Variants in STEAP1 observed in about 807,000 individuals in gnomAD.
The protein encoded by STEAP1 is STEAP1 protein.
In STEAP1, 30 loss-of-function variants were observed where a neutral mutation model predicts 34.4. The ratio of observed to expected loss-of-function variants is 0.87; its 90% confidence interval spans 0.65 to 1.18. STEAP1 has a LOEUF of 1.18. Ranked by LOEUF, STEAP1 falls within the 50% of genes most tolerant of loss-of-function variation. STEAP1 has a pLI of 0.00. For missense variants in STEAP1, 318 were observed against 391.1 expected (o/e 0.81, Z 1.58); for synonymous variants, 116 against 135.3 (o/e 0.86, Z 0.99).
Position 90,161,296 on chromosome 7 carries a change from G to T in STEAP1, c.576G>T (p.Leu192Phe), listed in dbSNP as rs1278386421. 2 of 1,612,794 alleles carry T rather than the reference G, an allele frequency of 1.2e-6. No individual in the cohort carries two copies. The highest frequency in any genetic ancestry group is 2.7e-5 in the African/African-American group (2 of 74,840). The change falls in exon 3 of 5, where the codon TTG becomes TTT. Residue 192 changes from leucine to phenylalanine, a missense_variant. Transcript: ENST00000297205. ...TGAGGCGATCCTACAGATACAAGTT[G>T]CTAAACTGGGCATATCAACAGGTAA... ...YPMRRSYRYK[L>F]LNWAYQQVQQ...
Position 90,164,561 on chromosome 7 carries a change from T to A in STEAP1, c.847T>A (p.Phe283Ile). Residue 283 changes from phenylalanine to isoleucine, a missense_variant, in exon 5 of 5, where the codon TTT (phenylalanine) becomes ATT (isoleucine). Coordinates refer to ENST00000297205, the MANE Select transcript of STEAP1 (RefSeq NM_012449.3). ...AWNKWIDIKQ[F>I]VWYTPPTFMI... ...GAATAAGTGGATAGATATAAAACAA[T>A]TTGTATGGTATACACCTCCAACTTT... The A allele has an allele frequency of 6.2e-7, 1 of 1,613,742 alleles. No homozygotes were observed. The highest frequency in any genetic ancestry group is 8.5e-7 in the Non-Finnish European group (1 of 1,179,798).
At chr7:90,159,050 CAT>C (rs1461076773) in intron 1 of STEAP1, among the ~76,000 whole-genome samples, 15 of 152,194 alleles carry the variant, frequency 9.9e-5, no homozygotes, top group African/African-American at 3.1e-4. Flanking sequence ...AGTACTGTGA[CAT>C]ATGTTTTCTT....
intron 4 of STEAP1, 56 bp from the exon 5 acceptor site, chr7:90,164,421 G>C: frequency 6.5e-7 from 1 of 1,536,756 alleles, no homozygotes; most frequent in Non-Finnish European, 8.7e-7. Context: ...AGATGAGGTA[G>C]GATGGGATAA....
At position 90,162,323 on chromosome 7, in the gene STEAP1, T is replaced by TGTTTTTTG. The variant is rs1038754461; in HGVS notation, c.762+245_762+246insGTTTTTTG. 1.2e-5 allele frequency: 7 copies of TGTTTTTTG among 605,960 alleles called. No individual in the cohort carries two copies. In the South Asian group the frequency reaches 2.0e-4, roughly 17 times the overall value. The allele number at this position is 605,960 out of a possible 1,614,324, so 37.5% of individuals were successfully genotyped here. ...TGTTTTTTTTTTTTGTTTGTTTGTT[T>TGTTTTTTG]TTTGTTTGTTTGTTTGTTTTTTTGA... On this transcript the variant is annotated intron_variant, in intron 4 of 4. Transcript: ENST00000297205.
chr7:90,160,848 T>C lies in STEAP1; in HGVS notation c.128T>C (p.Leu43Pro). ...ACCAGCATGCTAAAAAGACCTGTGC[T>C]TTTGCATTTGCACCAAACAGCCCAT... Reference protein sequence around the residue: ...GETSMLKRPVLLHLHQTAHAD... With the variant: ...GETSMLKRPVPLHLHQTAHAD... The change falls in exon 3 of 5, where the codon CTT (leucine) becomes CCT (proline). Residue 43 changes from leucine to proline, a missense_variant. Transcript: ENST00000297205. 6.2e-7 allele frequency: 1 copy of C among 1,614,016 alleles called. No homozygotes were observed. The highest frequency in any genetic ancestry group is 8.5e-7 in the Non-Finnish European group (1 of 1,179,862).
At chr7:90,156,459 G>A (rs924715543) in intron 1 of STEAP1, among the ~76,000 whole-genome samples, 1 of 152,190 alleles carries the variant, frequency 6.6e-6, no homozygotes, top group Non-Finnish European at 1.5e-5. Context: ...CCCCGTGGCC[G>A]CAGACTGGTA....
chr7:90,164,642 C>A lies in STEAP1; in HGVS notation c.928C>A (p.Leu310Met). 6.2e-7 allele frequency: 1 copy of A among 1,613,682 alleles called. No individual in the cohort carries two copies. The highest frequency in any genetic ancestry group is 8.5e-7 in the Non-Finnish European group (1 of 1,179,796). The stretch of plus-strand genomic sequence containing the variant: ...CCTGATATTTAAAAGCATACTATTC[C>A]TGCCATGCTTGAGGAAGAAGATACT... The part of the protein sequence containing the change: ...VVLIFKSILF[L>M]PCLRKKILKI... Residue 310 changes from leucine to methionine, a missense_variant, in exon 5 of 5, where the codon CTG becomes ATG. Transcript: ENST00000297205.
rs1562782848 is a variant in STEAP1 at position 90,154,527 on chromosome 7, G to A, written c.-48G>A. 6.5e-6 allele frequency: 1 copy of A among 153,586 alleles called. No homozygotes were observed. The highest frequency in any genetic ancestry group is 6.5e-5 in the Admixed American group (1 of 15,302). 9.5% of individuals were successfully genotyped at this position (153,586 alleles called of 1,614,324 possible). ...AGCGGCAGCCGAGACTCACGGTCAA[G>A]CTAAGGCGAAGAGTGGGTGAGTCCC... On this transcript the variant is annotated 5_prime_UTR_variant, in exon 1 of 5. Coordinates refer to ENST00000297205, the MANE Select transcript of STEAP1 (RefSeq NM_012449.3).
Position 90,160,963 on chromosome 7 carries a change from A to C in STEAP1, c.243A>C (p.Ile81=), listed in dbSNP as rs3953584. Residue 81 remains isoleucine (I), a synonymous_variant, in exon 3 of 5, where the codon ATA becomes ATC. Coordinates refer to ENST00000297205, the MANE Select transcript of STEAP1 (RefSeq NM_012449.3). ...WHLPIKIAAI[I]ASLTFLYTLL... is the part of the protein sequence containing the mutation. ...TGCCAATTAAAATAGCTGCTATTAT[A>C]GCATCTCTGACTTTTCTTTACACTC... The C allele has an allele frequency of 1.2e-6, 2 of 1,614,010 alleles. No homozygotes were observed. Among genetic ancestry groups the C allele is most frequent in the Non-Finnish European group, 1.7e-6 (2 of 1,179,858 alleles).
intron 1 of STEAP1, among the ~76,000 whole-genome samples, chr7:90,158,783 T>A (rs1396607561): frequency 2.0e-5 from 3 of 152,230 alleles, no homozygotes; most frequent in African/African-American, 7.2e-5. Flanking sequence ...TATACTCTTA[T>A]GGGACCACTG....
intron 4 of STEAP1, 43 bp from the exon 5 acceptor site, chr7:90,164,434 T>C (rs763558628): frequency 6.4e-7 from 1 of 1,560,620 alleles, no homozygotes; most frequent in Non-Finnish European, 8.7e-7. Context: ...TGGGATAAAC[T>C]CTTATTGAAC....
chr7:90,158,739 T>C (rs1371378592), intron 1 of STEAP1, among the ~76,000 whole-genome samples: 1 of 152,214 alleles, frequency 6.6e-6, no homozygotes, highest in African/African-American at 2.4e-5. Context: ...TATAGTATTG[T>C]AAATACTAGG....
chr7:90,163,118 A>T (rs1054452626), intron 4 of STEAP1: 6 of 331,966 alleles, frequency 1.8e-5, no homozygotes, highest in Admixed American at 8.3e-5. Flanking sequence ...AAGGTCAGAC[A>T]TTCGCAACTA....
chr7:90,160,737 G>A, intron 2 of STEAP1, 68 bp from the exon 3 acceptor site: 1 of 1,535,558 alleles, frequency 6.5e-7, no homozygotes, highest in South Asian at 1.3e-5. Context: ...TGAGCAATAA[G>A]TAATTAGTTC....
chr7:90,162,128 T>C (rs747061460), intron 4 of STEAP1, 50 bp downstream of exon 4: 10 of 1,538,156 alleles, frequency 6.5e-6, no homozygotes, highest in Non-Finnish European at 8.7e-6. Context: ...TTTTTGTGTT[T>C]ATGATATAGA....
chr7:90,164,693 G>T lies in STEAP1; in HGVS notation c.979G>T (p.Val327Phe), dbSNP rs763487952. 1 of 1,613,082 alleles carries T rather than the reference G, an allele frequency of 6.2e-7. No homozygotes were observed. Among genetic ancestry groups the T allele is most frequent in the East Asian group, 2.2e-5 (1 of 44,816 alleles). ...GAAGATTAGACATGGTTGGGAAGAC[G>T]TCACCAAAATTAACAAAACTGAGAT... is the stretch of plus-strand genomic sequence containing the variant. ...ILKIRHGWED[V>F]TKINKTEICS... Residue 327 changes from valine to phenylalanine, a missense_variant, in exon 5 of 5, where the codon GTC (valine) becomes TTC (phenylalanine). Transcript: ENST00000297205.
chr7:90,158,005 G>C (rs1794136050), intron 1 of STEAP1, among the ~76,000 whole-genome samples: 1 of 152,210 alleles, frequency 6.6e-6, no homozygotes, highest in Non-Finnish European at 1.5e-5. Flanking sequence ...GCATGTTACT[G>C]TGCTGAATAC....
chr7:90,161,749 AT>A (rs1231097016), intron 3 of STEAP1, among the ~76,000 whole-genome samples, 164 bp from the exon 4 acceptor site: 14 of 151,226 alleles, frequency 9.3e-5, no homozygotes, highest in African/African-American at 3.4e-4. Context: ...CTCCTATGTC[AT>A]TTGTCTTAGA....
chr7:90,158,564 T>A (rs1014931169), intron 1 of STEAP1, among the ~76,000 whole-genome samples: 1 of 152,128 alleles, frequency 6.6e-6, no homozygotes, highest in African/African-American at 2.4e-5. Flanking sequence ...CTATATCTTG[T>A]CCCACTGGAA....
Sources: gnomAD v4.1 joint callset for allele counts (sites outside exome capture counted in the v4.1 genomes callset) on GRCh38, gnomAD v4.1.1 for gene constraint, MANE v1.5 for transcripts, NCBI Gene and HGNC (gene_info 2026-07-23, HGNC 2026-07-21) for gene names.